The following ARFGEF2 variants were observed in gnomAD, a reference collection of about 807,000 sequenced individuals.
ARFGEF2 encodes brefeldin A-inhibited guanine nucleotide-exchange protein 2.
Under a neutral mutation model 219.9 loss-of-function variants are expected in ARFGEF2, and 74 were observed. That is an observed-to-expected ratio of 0.34 (90% CI 0.28 to 0.41). ARFGEF2 has a LOEUF of 0.41. ARFGEF2 is among the 10% of genes least tolerant of loss of function. The pLI, the probability that ARFGEF2 is intolerant of heterozygous loss-of-function variation, is 1.00. For missense variants in ARFGEF2, 1,743 were observed against 2,218.3 expected, an observed-to-expected ratio of 0.79 and a Z score of 4.30; for synonymous variants, 733 against 799.2, an observed-to-expected ratio of 0.92 and a Z score of 1.40.
At chr20:48,999,249 T>A in intron 25 of ARFGEF2, 1 of 450,912 alleles carries the variant, frequency 2.2e-6, no homozygotes, top group Non-Finnish European at 4.4e-6. Context: ...GAAAAAAAAA[T>A]TAATAATTGT....
intron 7 of ARFGEF2, 61 bp from the exon 8 acceptor site, chr20:48,965,811 G>T (rs558746090): frequency 1.9e-6 from 3 of 1,603,304 alleles, no homozygotes; most frequent in Middle Eastern, 3.3e-4. Flanking sequence ...TTTGGTGTCA[G>T]GCAGCCCTTT....
chr20:49,025,530 TA>T, intron 36 of ARFGEF2, 49 bp downstream of exon 36: 2 of 1,607,968 alleles, frequency 1.2e-6, no homozygotes, highest in Non-Finnish European at 1.7e-6. Flanking sequence ...GTCACCTTCC[TA>T]AAACATTAAA....
chr20:48,934,786 G>T (rs1444086547), intron 1 of ARFGEF2, among the ~76,000 whole-genome samples: 1 of 152,138 alleles, frequency 6.6e-6, no homozygotes, highest in African/African-American at 2.4e-5. Flanking sequence ...CCAAGTCTTT[G>T]CTATTGTGAA....
At chr20:48,983,143 G>T (rs538562658) in intron 14 of ARFGEF2, among the ~76,000 whole-genome samples, 1 of 152,192 alleles carries the variant, frequency 6.6e-6, no homozygotes, top group African/African-American at 2.4e-5. Flanking sequence ...AATCTTACTT[G>T]TTTTATTTAC....
chr20:48,974,956 G>A, intron 13 of ARFGEF2, 82 bp downstream of exon 13: 1 of 1,229,384 alleles, frequency 8.1e-7, no homozygotes. Context: ...TAGTATAGTT[G>A]TCTTAGAATT....
At chr20:48,954,075 T>C (rs1455289743) in intron 6 of ARFGEF2, among the ~76,000 whole-genome samples, 1 of 152,330 alleles carries the variant, frequency 6.6e-6, no homozygotes. Flanking sequence ...GGGACACTTA[T>C]CTTTCAGTAG....
At chr20:48,932,678 C>T (rs1313462740) in intron 1 of ARFGEF2, among the ~76,000 whole-genome samples, 2 of 152,130 alleles carry the variant, frequency 1.3e-5, no homozygotes, top group African/African-American at 4.8e-5. Flanking sequence ...GGTTGGCCAT[C>T]TCAAGGTTTG....
Position 49,016,313 on chromosome 20 carries a change from G to A in ARFGEF2, c.4213G>A (p.Ala1405Thr), listed in dbSNP as rs1430999905. The A allele has an allele frequency of 8.7e-6, 14 of 1,613,806 alleles. No individual in the cohort carries two copies. The highest frequency in any genetic ancestry group is 6.7e-5 in the Admixed American group (4 of 59,984). The part of the protein sequence containing the change: ...SEWMTTTCNH[A>T]LYAICDVFTQ... ...GTGGATGACAACAACCTGCAATCAC[G>A]CACTTTATGCTATTTGTGATGTTTT... The change falls in exon 31 of 39, where the codon GCA becomes ACA. Residue 1405 changes from alanine (A) to threonine (T), a missense_variant. Ala to Thr is a moderately conservative substitution (Grantham distance 58). Around this residue, in one of 5 missense-constraint regions of ARFGEF2, gnomAD observed 578 missense variants for 664.0 expected, o/e 0.87. Coordinates refer to ENST00000371917, the MANE Select transcript of ARFGEF2 (RefSeq NM_006420.3).
At chr20:49,029,900 G>GA (rs35155632) in intron 37 of ARFGEF2, among the ~76,000 whole-genome samples, 42,512 of 128,530 alleles carry the variant, frequency 0.33, 7,188 homozygotes, top group African/African-American at 0.49. Context: ...GCCTAAAAGT[G>GA]AATTTTTTTT....
chr20:48,936,808 T>C (rs1417133225), intron 1 of ARFGEF2, among the ~76,000 whole-genome samples: 1 of 152,234 alleles, frequency 6.6e-6, no homozygotes, highest in Admixed American at 6.5e-5. Context: ...ATTACAGGCA[T>C]GAGCCACCAC....
At chr20:48,991,333 C>T (rs2091356273) in intron 21 of ARFGEF2, 135 bp downstream of exon 21, 1 of 1,289,016 alleles carries the variant, frequency 7.8e-7, no homozygotes, top group East Asian at 2.3e-5. Context: ...GGAAGTCACC[C>T]TCTCTGGGGC....
At chr20:48,983,983 G>A (rs991386947) in intron 14 of ARFGEF2, among the ~76,000 whole-genome samples, 4 of 151,936 alleles carry the variant, frequency 2.6e-5, no homozygotes, top group African/African-American at 9.7e-5. Flanking sequence ...GGAGGCTAAG[G>A]TGGGAGGATC....
At chr20:48,924,866 GTAAAGAT>G (rs2090866919) in intron 1 of ARFGEF2, among the ~76,000 whole-genome samples, 1 of 152,168 alleles carries the variant, frequency 6.6e-6, no homozygotes, top group African/African-American at 2.4e-5. Context: ...TAGGATTATT[GTAAAGAT>G]TAAGTTAATT....
intron 3 of ARFGEF2, among the ~76,000 whole-genome samples, chr20:48,950,436 A>G (rs2091058565): frequency 1.3e-5 from 2 of 151,418 alleles, no homozygotes; most frequent in Non-Finnish European, 1.5e-5. Context: ...ATACATATTC[A>G]TATATATATA....
At chr20:49,025,625 T>A in intron 36 of ARFGEF2, 144 bp downstream of exon 36, 1 of 906,324 alleles carries the variant, frequency 1.1e-6, no homozygotes, top group South Asian at 1.4e-5. Flanking sequence ...AGAAGGGAAA[T>A]GTTGGATAGG....
At chr20:49,014,760 T>C (rs141422869) in intron 30 of ARFGEF2, among the ~76,000 whole-genome samples, 8 of 152,302 alleles carry the variant, frequency 5.3e-5, no homozygotes, top group African/African-American at 1.9e-4. Context: ...ACCATATCTC[T>C]TAAATAAATA....
At position 49,014,247 on chromosome 20, in the gene ARFGEF2, TGTA is replaced by T. The variant is rs1454246906; in HGVS notation, c.4179+290_4179+292del. 9.9e-5 allele frequency among the ~76,000 whole-genome samples: 15 copies of T among 151,996 alleles called. No homozygotes were observed. In the South Asian group the frequency reaches 2.5e-3, roughly 25 times the overall value. ...TTCAGCAGGGCTCCTGACTGGTCGT[TGTA>T]GTTGTTTTGTTCATATCAACCTCTG... On this transcript the variant is annotated intron_variant, in intron 30 of 38. Coordinates refer to ENST00000371917, the MANE Select transcript of ARFGEF2 (RefSeq NM_006420.3).
chr20:49,019,516 T>C (rs1384950867), intron 34 of ARFGEF2, among the ~76,000 whole-genome samples: 1 of 152,238 alleles, frequency 6.6e-6, no homozygotes, highest in Non-Finnish European at 1.5e-5. Context: ...CTTATAATCT[T>C]TTGCTGTTAG....
intron 5 of ARFGEF2, 83 bp downstream of exon 5, chr20:48,952,967 A>G: frequency 1.4e-6 from 2 of 1,424,544 alleles, no homozygotes; most frequent in Non-Finnish European, 2.0e-6. Flanking sequence ...GCCTGTGAAG[A>G]ATCACTAGCA....
Sources: allele counts gnomAD v4.1 joint callset (sites outside exome capture counted in the v4.1 genomes callset), GRCh38; gene constraint gnomAD v4.1.1; regional missense constraint gnomAD v4.1.1; transcripts MANE v1.5; gene names NCBI Gene and HGNC (gene_info 2026-07-23, HGNC 2026-07-21).